XXYLT1: variants seen among roughly 807,000 people sequenced by gnomAD.
XXYLT1 encodes the protein xyloside xylosyltransferase 1.
A neutral mutation model predicts 28.9 loss-of-function variants in XXYLT1; 20 were observed. That is an observed-to-expected ratio of 0.69 (90% confidence interval 0.49 to 1.00). The LOEUF (loss-of-function observed/expected upper bound fraction) is 1.00. XXYLT1 is among the 50% of genes least tolerant of loss of function. The pLI, the probability that XXYLT1 is intolerant of heterozygous loss-of-function variation, is 0.00. For missense variants in XXYLT1, 542 were observed against 560.1 expected (o/e 0.97, Z 0.33); for synonymous variants, 257 against 253.8 (o/e 1.01, Z -0.12).
Position 195,180,227 on chromosome 3 carries a change from C to G in XXYLT1, c.653-23646G>C. ...ACAGTCATTTCTAACGCCAGATCCC[C>G]GTCTCTGCACTGACACCGGGGGTGG... On this transcript the variant is annotated intron_variant, in intron 2 of 3. Transcript: ENST00000310380. The surrounding 1 kb of genome is among the most constrained non-coding windows in gnomAD (Gnocchi z 5.8). 1 of 789,110 alleles carries G rather than the reference C, an allele frequency of 1.3e-6. No individual in the cohort carries two copies. The highest frequency in any genetic ancestry group is 1.5e-6 in the Non-Finnish European group (1 of 651,086). The allele number at this position is 789,110 out of a possible 1,614,324, so 48.9% of individuals were successfully genotyped here. A position where few individuals can be genotyped will look rare whatever the true frequency, so the allele number is the denominator to read the frequency against.
At chr3:195,166,226 A>G (rs564635350) in intron 2 of XXYLT1, among the ~76,000 whole-genome samples, 2 of 152,216 alleles carry the variant, frequency 1.3e-5, no homozygotes, top group Non-Finnish European at 1.5e-5. Context: ...ACTGCACTTC[A>G]GCACTAATTA....
Position 195,138,756 on chromosome 3 carries a change from G to A in XXYLT1, c.785+17693C>T, listed in dbSNP as rs147515738. 1.9e-3 allele frequency among the ~76,000 whole-genome samples: 291 copies of A among 151,428 alleles called. 4 individuals are homozygous for A. Among genetic ancestry groups the A allele is most frequent in the African/African-American group, 4.9e-3 (204 of 41,318 alleles). ...TATAATCCCAGCTACTTGGGAGGCT[G>A]AGGCAGGAGAATTGCTTGAACCTGG... On this transcript the variant is annotated intron_variant, in intron 3 of 3. Coordinates refer to ENST00000310380, the MANE Select transcript of XXYLT1 (RefSeq NM_152531.5).
intron 2 of XXYLT1, among the ~76,000 whole-genome samples, chr3:195,223,124 T>C (rs572392818): frequency 1.3e-5 from 2 of 151,448 alleles, no homozygotes; most frequent in Non-Finnish European, 1.5e-5. Context: ...TCTCATCTAC[T>C]TGGGAGGCTG....
At chr3:195,207,393 C>A in intron 2 of XXYLT1, 1 of 446,456 alleles carries the variant, frequency 2.2e-6, no homozygotes, top group Non-Finnish European at 4.5e-6. Context: ...GGTTCTCAGG[C>A]AACAGGAAAA....
At position 195,241,810 on chromosome 3, in the gene XXYLT1, A is replaced by C. The variant is rs574536876; in HGVS notation, c.505-14954T>G. ...CACCAACACACACACACATGCGCACAACACACACACACATGCACACAACAT... is the reference window on the plus strand; with the variant it reads ...CACCAACACACACACACATGCGCACCACACACACACACATGCACACAACAT... On this transcript the variant is annotated intron_variant, in intron 1 of 3. Coordinates refer to ENST00000310380, the MANE Select transcript of XXYLT1 (RefSeq NM_152531.5). Among the ~76,000 whole-genome samples the C allele has an allele frequency of 4.3e-4, 65 of 151,926 alleles. 1 individual carries two copies. The South Asian group carries it at 0.013, about 31-fold the overall frequency.
chr3:195,112,512 A>ACC (rs1316474295), intron 3 of XXYLT1, among the ~76,000 whole-genome samples: 2 of 31,202 alleles, frequency 6.4e-5, no homozygotes, highest in Non-Finnish European at 1.9e-4. Context: ...ACCCACACAC[A>ACC]CCCACACACA....
chr3:195,228,576 C>T (rs545104175), intron 1 of XXYLT1, among the ~76,000 whole-genome samples: 28 of 150,818 alleles, frequency 1.9e-4, no homozygotes, highest in Non-Finnish European at 3.7e-4. Context: ...ACTGACACCG[C>T]CTCCCGGGTT....
chr3:195,258,857 C>T (rs1346719660), intron 1 of XXYLT1, among the ~76,000 whole-genome samples: 2 of 152,230 alleles, frequency 1.3e-5, no homozygotes, highest in African/African-American at 4.8e-5. Flanking sequence ...GAATTGAAGA[C>T]TTGCAAGAAC....
At chr3:195,263,607 C>G (rs1019476043) in intron 1 of XXYLT1, among the ~76,000 whole-genome samples, 1 of 152,152 alleles carries the variant, frequency 6.6e-6, no homozygotes, top group Non-Finnish European at 1.5e-5. Context: ...TTGGACTTCC[C>G]GGCCTCCAAA....
intron 2 of XXYLT1, among the ~76,000 whole-genome samples, chr3:195,191,057 T>C (rs1722398590): frequency 1.3e-5 from 2 of 152,172 alleles, no homozygotes; most frequent in Admixed American, 1.3e-4. Flanking sequence ...ATTAATTATA[T>C]TAAATATGAA....
At chr3:195,172,997 G>A (rs984908220) in intron 2 of XXYLT1, among the ~76,000 whole-genome samples, 1 of 152,110 alleles carries the variant, frequency 6.6e-6, no homozygotes, top group African/African-American at 2.4e-5. Context: ...TCGGGTGAGG[G>A]GCTTTAGGCA....
chr3:195,157,796 G>A (rs1720682194), intron 2 of XXYLT1, among the ~76,000 whole-genome samples: 1 of 152,186 alleles, frequency 6.6e-6, no homozygotes, highest in Non-Finnish European at 1.5e-5. Flanking sequence ...GCAAGTTCCT[G>A]GTACCCGGCC....
chr3:195,229,324 A>C (rs946242021), intron 1 of XXYLT1, among the ~76,000 whole-genome samples: 5 of 152,210 alleles, frequency 3.3e-5, no homozygotes, highest in Non-Finnish European at 4.4e-5. Flanking sequence ...CAAGCATACA[A>C]TGCATAATAA....
At chr3:195,258,605 C>G (rs1725565697) in intron 1 of XXYLT1, among the ~76,000 whole-genome samples, 1 of 152,216 alleles carries the variant, frequency 6.6e-6, no homozygotes, top group South Asian at 2.1e-4. Flanking sequence ...GCTCCCACTC[C>G]AGAGCACAGG....
At chr3:195,187,177 G>C (rs1157027571) in intron 2 of XXYLT1, among the ~76,000 whole-genome samples, 1 of 150,958 alleles carries the variant, frequency 6.6e-6, no homozygotes, top group Non-Finnish European at 1.5e-5. Flanking sequence ...GACGGAGCTT[G>C]CAGTGAGCAG....
chr3:195,140,524 C>A (rs9855379), intron 3 of XXYLT1, among the ~76,000 whole-genome samples: 140 of 152,308 alleles, frequency 9.2e-4, no homozygotes, highest in African/African-American at 2.9e-3. Context: ...GTTTAATAGA[C>A]CCACAGTTCT....
At chr3:195,270,461 G>A in intron 1 of XXYLT1, 94 bp downstream of exon 1, 1 of 1,340,984 alleles carries the variant, frequency 7.5e-7, no homozygotes, top group Non-Finnish European at 9.5e-7. Context: ...GATCCTACCC[G>A]CTAGTTCCCC....
chr3:195,156,350 C>G, intron 3 of XXYLT1, 99 bp downstream of exon 3: 25 of 1,535,548 alleles, frequency 1.6e-5, no homozygotes, highest in Non-Finnish European at 2.2e-5. Context: ...GCAGAAGGAT[C>G]GGACGCCACT....
rs1722067907 is a variant in XXYLT1 at position 195,183,959 on chromosome 3, GAGA to G, written c.653-27381_653-27379del. ...CCATCTGTGAGGCATATCATTTTGA[GAGA>G]AGAACACTGCCTTAAATTCTGGAAT... On this transcript the variant is annotated intron_variant, in intron 2 of 3. Coordinates refer to ENST00000310380, the MANE Select transcript of XXYLT1 (RefSeq NM_152531.5). Among the ~76,000 whole-genome samples, 4 of 152,356 alleles carry G rather than the reference GAGA, an allele frequency of 2.6e-5. No individual in the cohort carries two copies. In the South Asian group the frequency reaches 6.2e-4, roughly 24 times the overall value.
Sources: allele counts gnomAD v4.1 joint callset (sites outside exome capture counted in the v4.1 genomes callset), GRCh38; gene constraint gnomAD v4.1.1; non-coding constraint Gnocchi (gnomAD v3.1); transcripts MANE v1.5; gene names NCBI Gene and HGNC (gene_info 2026-07-23, HGNC 2026-07-21).